LBH: variants seen among roughly 807,000 people sequenced by gnomAD.
LBH encodes the protein protein LBH.
LBH carries 7 observed loss-of-function variants against 12.5 expected under a neutral mutation model. That is an observed-to-expected ratio of 0.56 (90% CI 0.32 to 1.05). The LOEUF is 1.05. LBH is among the 50% of genes least tolerant of loss of function. The pLI is 0.04. For missense variants in LBH, 119 were observed against 138.9 expected, an observed-to-expected ratio of 0.86 and a Z score of 0.72; for synonymous variants, 51 against 50.1, an observed-to-expected ratio of 1.02 and a Z score of -0.08.
chr2:30,234,471 C>T lies in LBH; in HGVS notation c.93C>T (p.Ile31=), dbSNP rs201383709. Residue 31 remains isoleucine (I), a synonymous_variant, in exon 2 of 3, where the codon ATC becomes ATT. Transcript: ENST00000395323. ...VMMNTQPMEE[I]GLSPRKDGLS... is the part of the protein sequence containing the mutation. ...TGAACACCCAGCCCATGGAGGAGATCGGCCTCAGCCCCCGCAAGGATGGCC... is the reference window on the plus strand; with the variant it reads ...TGAACACCCAGCCCATGGAGGAGATTGGCCTCAGCCCCCGCAAGGATGGCC... 10 of 1,613,966 alleles carry T rather than the reference C, an allele frequency of 6.2e-6. No homozygotes were observed. The highest frequency in any genetic ancestry group is 2.2e-5 in the East Asian group (1 of 44,894).
intron 2 of LBH, among the ~76,000 whole-genome samples, chr2:30,250,069 G>A (rs1677953400): frequency 1.3e-5 from 2 of 152,210 alleles, no homozygotes; most frequent in African/African-American, 4.8e-5. Flanking sequence ...CAGGGTCATA[G>A]CGATAATAAA....
intron 1 of LBH, chr2:30,232,138 CCCT>C: frequency 6.5e-7 from 1 of 1,546,126 alleles, no homozygotes; most frequent in South Asian, 1.2e-5. Context: ...CTTCCCGGGC[CCCT>C]CCTCTTTTTC....
intron 1 of LBH, among the ~76,000 whole-genome samples, chr2:30,233,437 T>C (rs992048297): frequency 3.3e-5 from 5 of 152,260 alleles, no homozygotes; most frequent in African/African-American, 9.6e-5. Context: ...AGGCATCTGG[T>C]ACCCCTGTTT....
intron 2 of LBH, among the ~76,000 whole-genome samples, chr2:30,247,035 T>G (rs1572381089): frequency 6.6e-6 from 1 of 151,978 alleles, no homozygotes; most frequent in East Asian, 1.9e-4. Flanking sequence ...TGCCCAGGCT[T>G]GTCTTGAAAT....
intron 1 of LBH, chr2:30,232,042 C>T: frequency 7.3e-7 from 1 of 1,371,276 alleles, no homozygotes; most frequent in Non-Finnish European, 9.7e-7. Context: ...AGCCAGGGGT[C>T]ACGTGTGAAT....
intron 2 of LBH, among the ~76,000 whole-genome samples, chr2:30,245,389 A>G (rs889674057): frequency 6.6e-6 from 1 of 152,216 alleles, no homozygotes; most frequent in African/African-American, 2.4e-5. Context: ...GAAAGGAGAC[A>G]GAGTTGTTCA....
intron 2 of LBH, 57 bp from the exon 3 acceptor site, chr2:30,257,376 G>C: frequency 6.3e-7 from 1 of 1,583,236 alleles, no homozygotes; most frequent in Non-Finnish European, 8.7e-7. Context: ...AAGAAGGAAT[G>C]GAATTTCTCT....
intron 2 of LBH, among the ~76,000 whole-genome samples, chr2:30,237,999 G>C (rs1297335043): frequency 6.6e-6 from 1 of 152,142 alleles, no homozygotes; most frequent in Non-Finnish European, 1.5e-5. Flanking sequence ...TCCAGCCTGT[G>C]GAACAGGAAT....
chr2:30,244,072 G>A (rs1296376300), intron 2 of LBH, among the ~76,000 whole-genome samples: 1 of 152,174 alleles, frequency 6.6e-6, no homozygotes, highest in Non-Finnish European at 1.5e-5. Context: ...TTTTAAACAA[G>A]TATGTTTTAA....
chr2:30,238,444 C>T (rs1677728230), intron 2 of LBH, among the ~76,000 whole-genome samples: 1 of 152,176 alleles, frequency 6.6e-6, no homozygotes, highest in Admixed American at 6.5e-5. Flanking sequence ...CCCTTGTATT[C>T]TTTCTGCTTT....
At chr2:30,245,994 C>T (rs6708792) in intron 2 of LBH, among the ~76,000 whole-genome samples, 26,408 of 148,320 alleles carry the variant, frequency 0.18, 2,679 homozygotes, top group Admixed American at 0.28. Context: ...GACACAATCT[C>T]ACTCCGTCAC....
At chr2:30,240,650 A>G (rs977372731) in intron 2 of LBH, among the ~76,000 whole-genome samples, 2 of 152,116 alleles carry the variant, frequency 1.3e-5, no homozygotes, top group African/African-American at 4.8e-5. Flanking sequence ...CCCTTATTAC[A>G]CAGATCCATC....
intron 2 of LBH, among the ~76,000 whole-genome samples, chr2:30,238,786 A>G (rs1677733455): frequency 6.6e-6 from 1 of 151,712 alleles, no homozygotes; most frequent in Non-Finnish European, 1.5e-5. Context: ...CTGAAGGACC[A>G]TTGTGGGTGG....
chr2:30,246,047 CT>C (rs1677864691), intron 2 of LBH, among the ~76,000 whole-genome samples: 1 of 151,868 alleles, frequency 6.6e-6, no homozygotes, highest in South Asian at 2.1e-4. Context: ...CAACCTCCGC[CT>C]TCCGGGTTCA....
chr2:30,257,742 T>G lies in LBH; in HGVS notation c.*121T>G. 1.4e-6 allele frequency: 1 copy of G among 700,074 alleles called. No individual in the cohort carries two copies. The highest frequency in any genetic ancestry group is 2.2e-6 in the Non-Finnish European group (1 of 448,668). 43.4% of individuals were successfully genotyped at this position (700,074 alleles called of 1,614,324 possible). A position where few individuals can be genotyped will look rare whatever the true frequency, so the allele number is the denominator to read the frequency against. On this transcript the variant is annotated 3_prime_UTR_variant, in exon 3 of 3. Transcript: ENST00000395323. The stretch of plus-strand genomic sequence containing the variant: ...TTCTGAAAATGTCAAACGAGGCTTC[T>G]GTTTTGCACCTGCAGATCACCGAGT...
intron 2 of LBH, among the ~76,000 whole-genome samples, chr2:30,254,584 C>T (rs1001354272): frequency 1.3e-5 from 2 of 151,918 alleles, no homozygotes; most frequent in East Asian, 1.9e-4. Flanking sequence ...TCCTCCTCTT[C>T]GTCCTCTTCC....
chr2:30,238,464 T>A (rs1677728506), intron 2 of LBH, among the ~76,000 whole-genome samples: 1 of 152,230 alleles, frequency 6.6e-6, no homozygotes, highest in African/African-American at 2.4e-5. Flanking sequence ...TTATTCTTGG[T>A]CATGTCCCCA....
intron 2 of LBH, among the ~76,000 whole-genome samples, chr2:30,241,180 G>C (rs962836339): frequency 3.3e-5 from 5 of 152,170 alleles, no homozygotes; most frequent in Admixed American, 6.5e-5. Flanking sequence ...GTGGCCTTAA[G>C]GTCAGCCACT....
Position 30,234,410 on chromosome 2 carries a change from A to T in LBH, c.32A>T (p.Asp11Val). Residue 11 changes from aspartate to valine, a missense_variant, in exon 2 of 3, where the codon GAC (aspartate) becomes GTC (valine). By Grantham distance (152) the Asp-to-Val change is radical. Coordinates refer to ENST00000395323, the MANE Select transcript of LBH (RefSeq NM_030915.4). MSIYFPIHCPDYLRSAKMTEV... is the reference protein window; with the variant it reads MSIYFPIHCPVYLRSAKMTEV... ...TGGTCTGGGTTTCTTGGCAGCCCCGACTATCTGAGATCGGCCAAGATGACT... is the reference window on the plus strand; with the variant it reads ...TGGTCTGGGTTTCTTGGCAGCCCCGTCTATCTGAGATCGGCCAAGATGACT... 1 of 1,613,948 alleles carries T rather than the reference A, an allele frequency of 6.2e-7. No individual in the cohort carries two copies. The highest frequency in any genetic ancestry group is 8.5e-7 in the Non-Finnish European group (1 of 1,179,824).
Sources: gnomAD v4.1 joint callset for allele counts (sites outside exome capture counted in the v4.1 genomes callset) on GRCh38, gnomAD v4.1.1 for gene constraint, MANE v1.5 for transcripts, NCBI Gene and HGNC (gene_info 2026-07-23, HGNC 2026-07-21) for gene names.